LRIF1: variants seen among roughly 807,000 people sequenced by gnomAD.
LRIF1 encodes the protein ligand-dependent nuclear receptor-interacting factor 1.
Under a neutral mutation model 52.7 loss-of-function variants are expected in LRIF1, and 32 were observed. The observed-to-expected ratio is 0.61, with a 90% CI of 0.46 to 0.82. The LOEUF is 0.82. LRIF1 is among the 40% of genes least tolerant of loss of function. The probability of loss-of-function intolerance (pLI) is 0.00; values close to 1 mark genes in which losing one functional copy is unlikely to be tolerated. For missense variants in LRIF1, 887 were observed against 892.0 expected, an observed-to-expected ratio of 0.99 and a Z score of 0.07; for synonymous variants, 323 against 317.4, an observed-to-expected ratio of 1.02 and a Z score of -0.19.
the LRIF1 span, among the ~76,000 whole-genome samples, chr1:110,933,411 T>C: frequency 6.6e-6 from 1 of 152,106 alleles, no homozygotes; most frequent in African/African-American, 2.4e-5. Flanking sequence ...TTTAACTATG[T>C]ACTGCTGAAA....
At chr1:110,906,221 C>A in the LRIF1 span, among the ~76,000 whole-genome samples, 60 of 152,034 alleles carry the variant, frequency 3.9e-4, no homozygotes, top group African/African-American at 1.4e-3. Context: ...ATACTAAAGC[C>A]AACTGTATTT....
At chr1:110,904,563 T>C in the LRIF1 span, among the ~76,000 whole-genome samples, 1 of 152,210 alleles carries the variant, frequency 6.6e-6, no homozygotes, top group African/African-American at 2.4e-5. Flanking sequence ...TATGAGTCCA[T>C]AAGAACCACA....
At chr1:110,925,323 T>C in the LRIF1 span, among the ~76,000 whole-genome samples, 16 of 152,310 alleles carry the variant, frequency 1.1e-4, no homozygotes, top group African/African-American at 3.6e-4. Context: ...TGCAACTCTT[T>C]CCTCAGGTCA....
rs1478149361 is a variant in LRIF1, at chr1:110,951,322, G to A, written c.1562C>T (p.Ser521Leu). 1 of 1,613,862 alleles carries A rather than the reference G, an allele frequency of 6.2e-7. No homozygotes were observed. The highest frequency in any genetic ancestry group is 1.3e-5 in the African/African-American group (1 of 74,908). ...SSSVDATTVTSQQCVFRDQEP... is the reference protein window; with the variant it reads ...SSSVDATTVTLQQCVFRDQEP... ...TTGGTCTCTGAAAACACACTGTTGT[G>A]AAGTAACAGTTGTTGCATCAACAGA... Residue 521 changes from serine (S) to leucine (L), a missense_variant, in exon 2 of 4, where the codon TCA becomes TTA. By Grantham distance (145) the Ser-to-Leu change is moderately radical (BLOSUM62 -2). Transcript: ENST00000369763.
the LRIF1 span, chr1:110,892,283 A>C: frequency 9.1e-7 from 1 of 1,102,232 alleles, no homozygotes; most frequent in Admixed American, 1.7e-5. Flanking sequence ...GGAAGTGAGA[A>C]TATGAGGAGA....
At chr1:110,958,505 G>A (rs541821889) in intron 1 of LRIF1, among the ~76,000 whole-genome samples, 2 of 152,174 alleles carry the variant, frequency 1.3e-5, no homozygotes, top group Admixed American at 6.5e-5. Flanking sequence ...CTTAAGGTGA[G>A]AGGCTTTATA....
chr1:110,924,230 A>G, the LRIF1 span, among the ~76,000 whole-genome samples: 1 of 152,188 alleles, frequency 6.6e-6, no homozygotes, highest in Non-Finnish European at 1.5e-5. Context: ...AATCAAAAAT[A>G]TTATCATAAA....
At chr1:110,909,979 T>A in the LRIF1 span, among the ~76,000 whole-genome samples, 61,928 of 151,844 alleles carry the variant, frequency 0.41, 13,121 homozygotes, top group Middle Eastern at 0.53. Context: ...ACAAGAAGAC[T>A]TAACTATCCT....
the LRIF1 span, chr1:110,940,054 C>G: frequency 2.0e-5 from 3 of 152,080 alleles, no homozygotes; most frequent in Non-Finnish European, 4.4e-5. Context: ...AGACAACCTC[C>G]AGAATGGGAC....
the LRIF1 span, among the ~76,000 whole-genome samples, chr1:110,876,142 A>T: frequency 2.0e-5 from 3 of 152,196 alleles, no homozygotes; most frequent in African/African-American, 7.2e-5. Context: ...AAGTATCTTA[A>T]CTCACAATGA....
chr1:110,963,077 C>CTT (rs1261979029), intron 1 of LRIF1, among the ~76,000 whole-genome samples: 1 of 152,218 alleles, frequency 6.6e-6, no homozygotes, highest in Non-Finnish European at 1.5e-5. Flanking sequence ...AAAGGACTGA[C>CTT]TTTACACGAG....
the LRIF1 span, among the ~76,000 whole-genome samples, chr1:110,935,280 A>G: frequency 7.2e-5 from 11 of 152,306 alleles, no homozygotes; most frequent in African/African-American, 1.4e-4. Flanking sequence ...CCAGACACCA[A>G]TGAACATCTA....
At chr1:110,929,655 T>G in the LRIF1 span, among the ~76,000 whole-genome samples, 1 of 152,204 alleles carries the variant, frequency 6.6e-6, no homozygotes, top group Admixed American at 6.5e-5. Context: ...GTGCTGGATA[T>G]TAGATCTTTG....
At chr1:110,915,003 T>A in the LRIF1 span, among the ~76,000 whole-genome samples, 1 of 152,122 alleles carries the variant, frequency 6.6e-6, no homozygotes, top group African/African-American at 2.4e-5. Flanking sequence ...TATAAGAATG[T>A]CAGTAGCAGC....
the LRIF1 span, among the ~76,000 whole-genome samples, chr1:110,931,451 G>T: frequency 6.6e-6 from 1 of 152,194 alleles, no homozygotes; most frequent in Non-Finnish European, 1.5e-5. Flanking sequence ...ACATATGTGT[G>T]CATGTGTCTT....
At chr1:110,905,423 C>T in the LRIF1 span, among the ~76,000 whole-genome samples, 385 of 151,446 alleles carry the variant, frequency 2.5e-3, 1 homozygote, top group African/African-American at 9.0e-3. Flanking sequence ...AATGGAGCTC[C>T]AATACATCTG....
At chr1:110,887,902 T>C in the LRIF1 span, among the ~76,000 whole-genome samples, 1 of 152,214 alleles carries the variant, frequency 6.6e-6, no homozygotes, top group African/African-American at 2.4e-5. Context: ...AGGGCAAAGA[T>C]GACTTTGAAG....
chr1:110,951,203 G>C (rs991788042), intron 2 of LRIF1, 85 bp downstream of exon 2: 1 of 1,098,808 alleles, frequency 9.1e-7, no homozygotes, highest in African/African-American at 1.6e-5. Context: ...GGGGGAAAGA[G>C]GTATCATAGA....
At chr1:110,889,198 C>T in the LRIF1 span, among the ~76,000 whole-genome samples, 1 of 152,004 alleles carries the variant, frequency 6.6e-6, no homozygotes, top group Non-Finnish European at 1.5e-5. Flanking sequence ...CAGTGTGATA[C>T]TGATAAAGGG....
Sources: allele counts gnomAD v4.1 joint callset (sites outside exome capture counted in the v4.1 genomes callset), GRCh38; gene constraint gnomAD v4.1.1; transcripts MANE v1.5; gene names NCBI Gene and HGNC (gene_info 2026-07-23, HGNC 2026-07-21).